OTOG: variants seen among roughly 807,000 people sequenced by gnomAD.
OTOG encodes the protein otogelin.
OTOG carries 296 observed loss-of-function variants against 313.8 expected under a neutral mutation model. The observed-to-expected ratio is 0.94, with a 90% CI of 0.86 to 1.04. OTOG has a LOEUF of 1.04. OTOG is among the 50% of genes least tolerant of loss of function. The pLI is 0.00. For missense variants in OTOG, 3,948 were observed against 3,840.1 expected, an observed-to-expected ratio of 1.03 and a Z score of -0.74; for synonymous variants, 1,533 against 1,554.9, an observed-to-expected ratio of 0.99 and a Z score of 0.33.
At chr11:17,603,223 G>A (rs1001754260) in intron 32 of OTOG, among the ~76,000 whole-genome samples, 2 of 152,142 alleles carry the variant, frequency 1.3e-5, no homozygotes, top group African/African-American at 4.8e-5. Flanking sequence ...AAGGAGGCCT[G>A]GGAGTGAGGA....
rs1853494598 is a variant in OTOG, at chr11:17,610,225, G to A, written c.4925G>A (p.Ser1642Asn). 1 of 1,550,474 alleles carries A rather than the reference G, an allele frequency of 6.4e-7. No individual in the cohort carries two copies. Residue 1642 changes from serine (S) to asparagine (N), a missense_variant, in exon 36 of 56, where the codon AGT becomes AAT. Ser to Asn is a conservative substitution (Grantham distance 46, BLOSUM62 1). Coordinates refer to ENST00000399397, the MANE Select transcript of OTOG (RefSeq NM_001292063.2). ...TTPPQPSLTA[S>N]PSSRPVASPG... ...CCCCCACAGCCCTCCTTGACAGCAAGTCCCTCCTCCAGACCTGTGGCTTCC... is the reference window on the plus strand; with the variant it reads ...CCCCCACAGCCCTCCTTGACAGCAAATCCCTCCTCCAGACCTGTGGCTTCC...
At position 17,640,826 on chromosome 11, in the gene OTOG, TG is replaced by T. The variant is rs1180289027; in HGVS notation, c.8011+11del. The T allele has an allele frequency of 6.5e-7, 1 of 1,550,148 alleles. No homozygotes were observed. Among genetic ancestry groups the T allele is most frequent in the Non-Finnish European group, 8.7e-7 (1 of 1,146,970 alleles). On this transcript the variant is annotated splice_region_variant and intron_variant, in intron 50 of 55. Coordinates refer to ENST00000399397, the MANE Select transcript of OTOG (RefSeq NM_001292063.2). ...CTGCGCCAAGTACGAGTGTGGTGAGTGGGGGAAGCCTCGGGGCAGAGCCATG... is the reference window on the plus strand; with the variant it reads ...CTGCGCCAAGTACGAGTGTGGTGAGTGGGGAAGCCTCGGGGCAGAGCCATG...
intron 39 of OTOG, among the ~76,000 whole-genome samples, chr11:17,628,314 T>G (rs1263934780): frequency 1.3e-5 from 2 of 152,224 alleles, no homozygotes; most frequent in East Asian, 3.8e-4. Flanking sequence ...ATTTTTTTAT[T>G]GACCCACTTG....
chr11:17,617,036 A>T (rs956767242), intron 39 of OTOG, among the ~76,000 whole-genome samples: 1 of 152,156 alleles, frequency 6.6e-6, no homozygotes, highest in African/African-American at 2.4e-5. Context: ...TTTTATTCCT[A>T]GTTTTCTGAG....
At chr11:17,592,307 C>A (rs1204078930) in intron 25 of OTOG, among the ~76,000 whole-genome samples, 1 of 152,142 alleles carries the variant, frequency 6.6e-6, no homozygotes, top group Non-Finnish European at 1.5e-5. Context: ...AATGACAAAA[C>A]CTTTTATGGA....
intron 39 of OTOG, among the ~76,000 whole-genome samples, chr11:17,625,502 G>A (rs1853961633): frequency 6.6e-6 from 1 of 152,168 alleles, no homozygotes; most frequent in Non-Finnish European, 1.5e-5. Context: ...CAGAGATAAA[G>A]CCTACTTGAT....
At chr11:17,603,202 C>T (rs1248459963) in intron 32 of OTOG, among the ~76,000 whole-genome samples, 2 of 152,090 alleles carry the variant, frequency 1.3e-5, no homozygotes, top group East Asian at 1.9e-4. Flanking sequence ...GGCAGAATCA[C>T]GTAGTTGCAC....
At chr11:17,584,925 T>C (rs1852758677) in intron 23 of OTOG, among the ~76,000 whole-genome samples, 1 of 152,256 alleles carries the variant, frequency 6.6e-6, no homozygotes, top group Non-Finnish European at 1.5e-5. Flanking sequence ...CTTAAACCAG[T>C]CTTACATTCC....
At chr11:17,641,299 C>T (rs1037166441) in intron 51 of OTOG, among the ~76,000 whole-genome samples, 16 of 152,138 alleles carry the variant, frequency 1.1e-4, no homozygotes, top group African/African-American at 3.4e-4. Context: ...GATTTAGTGC[C>T]TGGAAAGAGT....
At chr11:17,573,361 G>A (rs1422837213) in intron 19 of OTOG, 71 bp downstream of exon 19, 2 of 1,427,524 alleles carry the variant, frequency 1.4e-6, no homozygotes, top group African/African-American at 1.4e-5. Flanking sequence ...CCCTGCCCCT[G>A]AAAGTCTCCA....
intron 23 of OTOG, among the ~76,000 whole-genome samples, chr11:17,582,193 G>A (rs577956828): frequency 7.2e-5 from 11 of 152,088 alleles, no homozygotes; most frequent in African/African-American, 1.7e-4. Context: ...CTCATACTCC[G>A]TTGTAGTCAA....
chr11:17,568,992 G>A (rs12291086), intron 15 of OTOG, among the ~76,000 whole-genome samples, 164 bp from the exon 16 acceptor site: 91 of 152,292 alleles, frequency 6.0e-4, no homozygotes, highest in African/African-American at 1.8e-3. Context: ...ATTCCCAGAC[G>A]AGGGTATTTG....
At chr11:17,640,674 A>G in intron 49 of OTOG, 71 bp from the exon 50 acceptor site, 1 of 1,460,274 alleles carries the variant, frequency 6.8e-7, no homozygotes. Context: ...AGAGGGGCCC[A>G]GGTGGCAGAC....
intron 33 of OTOG, among the ~76,000 whole-genome samples, chr11:17,607,201 A>G (rs536357363): frequency 1.1e-4 from 16 of 152,372 alleles, no homozygotes; most frequent in African/African-American, 3.4e-4. Context: ...AATGTAAGTT[A>G]GACTTTTGGA....
intron 39 of OTOG, among the ~76,000 whole-genome samples, chr11:17,621,083 C>T (rs1375017265): frequency 2.0e-5 from 3 of 152,092 alleles, no homozygotes; most frequent in Admixed American, 1.3e-4. Context: ...TCAGTCAGTT[C>T]TGATTGATTT....
chr11:17,560,856 G>A (rs1358526319), intron 13 of OTOG, 39 bp downstream of exon 13: 1 of 1,493,584 alleles, frequency 6.7e-7, no homozygotes, highest in East Asian at 2.5e-5. Flanking sequence ...GTGGGGCATG[G>A]CCGCTGAGGC....
intron 25 of OTOG, among the ~76,000 whole-genome samples, 194 bp downstream of exon 25, chr11:17,591,782 C>T (rs1428539108): frequency 2.0e-5 from 3 of 152,222 alleles, no homozygotes. Flanking sequence ...TGAGATACCA[C>T]ACTGCCTGTC....
intron 39 of OTOG, among the ~76,000 whole-genome samples, chr11:17,617,914 TCTA>T (rs1853763992): frequency 6.7e-6 from 1 of 150,118 alleles, no homozygotes; most frequent in African/African-American, 2.5e-5. Flanking sequence ...TTCTTCTTCT[TCTA>T]TTTTTTTTTT....
chr11:17,602,482 G>A, intron 32 of OTOG, 105 bp downstream of exon 32: 1 of 1,305,784 alleles, frequency 7.7e-7, no homozygotes, highest in Non-Finnish European at 1.0e-6. Context: ...CGGAGAAATA[G>A]GGGCTCCGAC....
Sources: gnomAD v4.1 joint callset for allele counts (sites outside exome capture counted in the v4.1 genomes callset) on GRCh38, gnomAD v4.1.1 for gene constraint, MANE v1.5 for transcripts, NCBI Gene and HGNC (gene_info 2026-07-23, HGNC 2026-07-21) for gene names.